The following PCOLCE2 variants were observed in gnomAD, a reference collection of about 807,000 sequenced individuals.
The protein encoded by PCOLCE2 is procollagen C-proteinase enhancer 2.
PCOLCE2 carries 42 observed loss-of-function variants against 47.0 expected under a neutral mutation model. That is an observed-to-expected ratio of 0.89 (90% CI 0.70 to 1.16). The LOEUF is 1.16. PCOLCE2 is among the 50% of genes most tolerant of loss of function. PCOLCE2 has a pLI of 0.00. For synonymous variants in PCOLCE2, 169 were observed against 191.7 expected, an observed-to-expected ratio of 0.88 and a Z score of 0.98; for missense variants, 500 against 526.1, an observed-to-expected ratio of 0.95 and a Z score of 0.49.
At chr3:142,861,435 C>T (rs1933181227) in intron 2 of PCOLCE2, among the ~76,000 whole-genome samples, 1 of 152,156 alleles carries the variant, frequency 6.6e-6, no homozygotes, top group Non-Finnish European at 1.5e-5. Flanking sequence ...CTTTTCTCTT[C>T]AATACTCTAC....
At chr3:142,826,129 C>T (rs1434688689) in intron 6 of PCOLCE2, among the ~76,000 whole-genome samples, 6 of 152,024 alleles carry the variant, frequency 3.9e-5, no homozygotes, top group South Asian at 2.1e-4. Flanking sequence ...CTCAGCCTCC[C>T]GAGTAGCTGG....
intron 5 of PCOLCE2, among the ~76,000 whole-genome samples, chr3:142,834,957 T>G (rs1402740621): frequency 1.3e-5 from 2 of 152,146 alleles, no homozygotes; most frequent in African/African-American, 4.8e-5. Context: ...CTTTAATTAC[T>G]GATTAAATTT....
chr3:142,873,572 A>T (rs1933436611), intron 2 of PCOLCE2, among the ~76,000 whole-genome samples: 1 of 152,216 alleles, frequency 6.6e-6, no homozygotes, highest in Non-Finnish European at 1.5e-5. Flanking sequence ...ATACTCTTTC[A>T]TCTACAAGAA....
At chr3:142,848,924 T>A (rs1053083037) in intron 2 of PCOLCE2, among the ~76,000 whole-genome samples, 2 of 152,000 alleles carry the variant, frequency 1.3e-5, no homozygotes, top group Non-Finnish European at 2.9e-5. Context: ...GAGGCCGAGG[T>A]GGGCGGATCA....
intron 2 of PCOLCE2, among the ~76,000 whole-genome samples, chr3:142,867,918 C>T (rs929596623): frequency 1.2e-4 from 19 of 152,090 alleles, no homozygotes; most frequent in Non-Finnish European, 2.1e-4. Context: ...ACTGTGACTT[C>T]GTCTTGGTTT....
chr3:142,838,822 C>A lies in PCOLCE2; in HGVS notation c.658G>T (p.Glu220Ter), dbSNP rs1171871137. 1.9e-6 allele frequency: 3 copies of A among 1,613,742 alleles called. No individual in the cohort carries two copies. The highest frequency in any genetic ancestry group is 2.5e-6 in the Non-Finnish European group (3 of 1,179,750). Residue 220 changes from glutamate to a stop codon, truncating the protein, a stop_gained, in exon 5 of 9, where the codon GAA becomes TAA. Coordinates refer to ENST00000295992, the MANE Select transcript of PCOLCE2 (RefSeq NM_013363.4). LOFTEE classifies it high-confidence loss of function. ...YDYVAVFNGG[E>*]VNDARRIGKY... The stretch of plus-strand genomic sequence containing the variant: ...CCAATTCTTCTAGCATCGTTGACTT[C>A]CCCGCCATTAAACACAGCCACATAA...
chr3:142,879,505 A>G lies in PCOLCE2; in HGVS notation c.192+8164T>C, dbSNP rs767374225. On this transcript the variant is annotated intron_variant, in intron 2 of 8. Transcript: ENST00000295992. ...GCAGAAAGCTAAACAAATTTAGAAA[A>G]ACTGGACTGAGGCCCCAGTGGGAAA... Among the ~76,000 whole-genome samples the G allele has an allele frequency of 8.7e-4, 132 of 152,326 alleles. 1 individual carries two copies. The highest frequency in any genetic ancestry group is 1.4e-3 in the Non-Finnish European group (96 of 68,022).
intron 1 of PCOLCE2, 196 bp downstream of exon 1, chr3:142,888,618 C>T (rs1325087482): frequency 4.7e-6 from 2 of 426,660 alleles, no homozygotes; most frequent in African/African-American, 4.1e-5. Flanking sequence ...GAGGGAGCCC[C>T]GCGAGCAAGG....
At chr3:142,870,188 T>G (rs574989110) in intron 2 of PCOLCE2, among the ~76,000 whole-genome samples, 46 of 152,300 alleles carry the variant, frequency 3.0e-4, no homozygotes, top group Non-Finnish European at 5.3e-4. Context: ...AGCAAGTGCT[T>G]GCTAGCTTCA....
At chr3:142,888,215 C>G (rs1273078611) in intron 1 of PCOLCE2, among the ~76,000 whole-genome samples, 1 of 152,164 alleles carries the variant, frequency 6.6e-6, no homozygotes, top group African/African-American at 2.4e-5. Flanking sequence ...TTCTCCTCCC[C>G]CTTTCTGAAA....
At chr3:142,888,701 G>C in intron 1 of PCOLCE2, 113 bp downstream of exon 1, 1 of 609,098 alleles carries the variant, frequency 1.6e-6, no homozygotes, top group South Asian at 3.4e-5. Flanking sequence ...GCGCAGGGTC[G>C]AGCGCTGGGT....
At chr3:142,843,696 C>T (rs1050510898) in intron 3 of PCOLCE2, among the ~76,000 whole-genome samples, 6 of 151,830 alleles carry the variant, frequency 4.0e-5, no homozygotes, top group African/African-American at 1.5e-4. Context: ...GCATATGTAC[C>T]TGTAGGTTGG....
chr3:142,851,401 A>G (rs1447626129), intron 2 of PCOLCE2, among the ~76,000 whole-genome samples: 1 of 151,950 alleles, frequency 6.6e-6, no homozygotes, highest in African/African-American at 2.4e-5. Flanking sequence ...AGTAGGGGAG[A>G]GTGGTGAGGT....
At chr3:142,879,995 A>G (rs1485663098) in intron 2 of PCOLCE2, among the ~76,000 whole-genome samples, 1 of 150,252 alleles carries the variant, frequency 6.7e-6, no homozygotes, top group East Asian at 1.9e-4. Flanking sequence ...AAAAAAAGGA[A>G]TTGTAAAGTT....
intron 2 of PCOLCE2, among the ~76,000 whole-genome samples, chr3:142,877,421 C>T (rs1933522257): frequency 6.6e-6 from 1 of 152,308 alleles, no homozygotes; most frequent in Non-Finnish European, 1.5e-5. Flanking sequence ...GGCTTGTAGA[C>T]AAGTTCTGCA....
chr3:142,864,346 C>T (rs940255573), intron 2 of PCOLCE2: 3 of 152,274 alleles, frequency 2.0e-5, no homozygotes, highest in Non-Finnish European at 4.4e-5. Context: ...TGAGAGTCTT[C>T]GAATGCCATA....
chr3:142,827,420 A>G, intron 6 of PCOLCE2: 1 of 1,566,414 alleles, frequency 6.4e-7, no homozygotes, highest in Non-Finnish European at 8.8e-7. Context: ...GCCAGAGGGC[A>G]GCTTCACACG....
intron 2 of PCOLCE2, among the ~76,000 whole-genome samples, chr3:142,869,175 C>T (rs1390632747): frequency 1.3e-5 from 2 of 151,988 alleles, no homozygotes; most frequent in Non-Finnish European, 2.9e-5. Context: ...CCTGTAGTCC[C>T]AGCTACTCGG....
chr3:142,842,221 A>G lies in PCOLCE2; in HGVS notation c.573+703T>C, dbSNP rs1341639986. On this transcript the variant is annotated intron_variant, in intron 4 of 8. Coordinates refer to ENST00000295992, the MANE Select transcript of PCOLCE2 (RefSeq NM_013363.4). This position sits in a 1 kb window ranked among gnomAD's most constrained non-coding sequence, Gnocchi z 4.1. ...TTATTTAGTCACTAGAATAACTATTATCAGGACATGATGGGTTTGTGATGG... is the reference window on the plus strand; with the variant it reads ...TTATTTAGTCACTAGAATAACTATTGTCAGGACATGATGGGTTTGTGATGG... Among the ~76,000 whole-genome samples the G allele has an allele frequency of 6.6e-6, 1 of 152,194 alleles. No individual in the cohort carries two copies. Among genetic ancestry groups the G allele is most frequent in the Non-Finnish European group, 1.5e-5 (1 of 68,032 alleles).
Sources: allele counts gnomAD v4.1 joint callset (sites outside exome capture counted in the v4.1 genomes callset), GRCh38; gene constraint gnomAD v4.1.1; non-coding constraint Gnocchi (gnomAD v3.1); transcripts MANE v1.5; gene names NCBI Gene and HGNC (gene_info 2026-07-23, HGNC 2026-07-21).